PTPN3: variants seen among roughly 807,000 people sequenced by gnomAD.
PTPN3 encodes tyrosine-protein phosphatase non-receptor type 3.
A neutral mutation model predicts 132.7 loss-of-function variants in PTPN3; 96 were observed. That is an observed-to-expected ratio of 0.72 (90% CI 0.61 to 0.86). The LOEUF (loss-of-function observed/expected upper bound fraction) is 0.86. Among genes scored for constraint, PTPN3 ranks in the 40% least tolerant of loss-of-function variants. PTPN3 has a pLI of 0.00. For synonymous variants in PTPN3, 398 were observed against 429.0 expected (o/e 0.93, Z 0.89); for missense variants, 1,125 against 1,159.6 (o/e 0.97, Z 0.43).
the PTPN3 span, among the ~76,000 whole-genome samples, chr9:109,508,083 C>A: frequency 6.6e-6 from 1 of 152,122 alleles, no homozygotes; most frequent in Non-Finnish European, 1.5e-5. Context: ...ATCTCAGAAA[C>A]TGCCTCTTCC....
chr9:109,386,727 G>T (rs567110382), intron 22 of PTPN3, among the ~76,000 whole-genome samples: 15 of 152,306 alleles, frequency 9.8e-5, no homozygotes, highest in African/African-American at 2.9e-4. Context: ...CTGCACAGAA[G>T]GTACCAGTCT....
chr9:109,403,379 G>A (rs918154039), intron 19 of PTPN3, among the ~76,000 whole-genome samples: 1 of 152,134 alleles, frequency 6.6e-6, no homozygotes, highest in African/African-American at 2.4e-5. Context: ...ATAATGCATT[G>A]TTGATTTCTG....
rs1838666048 is a variant in PTPN3 at position 109,377,442 on chromosome 9, A to ACACACACG, written c.*2113_*2114insCGTGTGTG. 2 of 124,516 alleles carry ACACACACG rather than the reference A, an allele frequency of 1.6e-5. No individual in the cohort carries two copies. Among genetic ancestry groups the ACACACACG allele is most frequent in the Non-Finnish European group, 1.7e-5 (1 of 58,854 alleles). The allele number at this position is 124,516 out of a possible 1,614,324, so 7.7% of individuals were successfully genotyped here. On this transcript the variant is annotated 3_prime_UTR_variant, in exon 26 of 26. Transcript: ENST00000374541. ...CACACACACACACACACACACACACACACACACACACACACAAGCCAGGTG... is the reference window on the plus strand; with the variant it reads ...CACACACACACACACACACACACACACACACACGCACACACACACACACAAGCCAGGTG...
the PTPN3 span, chr9:109,534,146 T>C: frequency 1.2e-6 from 1 of 820,856 alleles, no homozygotes. Context: ...CATTTTACTG[T>C]TCCCAAAACC....
chr9:109,485,920 A>G (rs1248212992), intron 1 of PTPN3, among the ~76,000 whole-genome samples: 1 of 152,264 alleles, frequency 6.6e-6, no homozygotes, highest in Non-Finnish European at 1.5e-5. Context: ...AAATTCTTTC[A>G]ATAGCAAATA....
chr9:109,399,883 A>G (rs1257382720), intron 19 of PTPN3, among the ~76,000 whole-genome samples: 2 of 151,708 alleles, frequency 1.3e-5, no homozygotes, highest in Non-Finnish European at 2.9e-5. Flanking sequence ...GAAGGTAGAG[A>G]ACTGGAACAC....
At chr9:109,473,321 G>A (rs1180847875) in intron 1 of PTPN3, among the ~76,000 whole-genome samples, 2 of 152,168 alleles carry the variant, frequency 1.3e-5, no homozygotes, top group East Asian at 1.9e-4. Flanking sequence ...TGTAGGACCC[G>A]TTGTATTCAA....
intron 1 of PTPN3, among the ~76,000 whole-genome samples, chr9:109,487,799 GC>G (rs1462002377): frequency 6.6e-6 from 1 of 152,100 alleles, no homozygotes; most frequent in Non-Finnish European, 1.5e-5. Context: ...AAAATACATG[GC>G]CCATCTGATA....
chr9:109,473,155 T>C (rs1451384058), intron 1 of PTPN3, among the ~76,000 whole-genome samples: 1 of 152,228 alleles, frequency 6.6e-6, no homozygotes, highest in Non-Finnish European at 1.5e-5. Flanking sequence ...ACTTTAATAA[T>C]ACAGCACAAT....
At chr9:109,380,726 A>T (rs1217536468) in intron 25 of PTPN3, among the ~76,000 whole-genome samples, 4 of 152,236 alleles carry the variant, frequency 2.6e-5, no homozygotes, top group Non-Finnish European at 5.9e-5. Context: ...AAAGCTTAAA[A>T]ATTTATTAGG....
At chr9:109,438,366 T>A (rs1022851548) in intron 7 of PTPN3, 132 bp from the exon 8 acceptor site, 16 of 969,328 alleles carry the variant, frequency 1.7e-5, no homozygotes, top group Non-Finnish European at 2.1e-5. Flanking sequence ...CTACACCACA[T>A]GAACTGAAGC....
intron 7 of PTPN3, among the ~76,000 whole-genome samples, chr9:109,441,745 C>A (rs1232291772): frequency 1.5e-5 from 2 of 129,830 alleles, no homozygotes; most frequent in African/African-American, 6.4e-5. Flanking sequence ...ACCTGAAGAT[C>A]ACTTTTTTTT....
At chr9:109,481,450 C>G (rs1012924126) in intron 1 of PTPN3, among the ~76,000 whole-genome samples, 4 of 152,156 alleles carry the variant, frequency 2.6e-5, no homozygotes, top group Middle Eastern at 3.2e-3. Context: ...TCTGGCTGTT[C>G]CCAGGTGGTG....
intron 19 of PTPN3, among the ~76,000 whole-genome samples, chr9:109,402,114 C>A (rs1207331225): frequency 6.6e-6 from 1 of 152,186 alleles, no homozygotes; most frequent in Non-Finnish European, 1.5e-5. Flanking sequence ...CAAACGACTT[C>A]TCACTGCCTT....
chr9:109,508,429 G>A, the PTPN3 span, among the ~76,000 whole-genome samples: 6 of 152,114 alleles, frequency 3.9e-5, no homozygotes, highest in African/African-American at 1.4e-4. Context: ...CAAAGTGCTG[G>A]GATTACAGGC....
At chr9:109,410,775 C>A (rs569641250) in intron 14 of PTPN3, among the ~76,000 whole-genome samples, 1 of 152,224 alleles carries the variant, frequency 6.6e-6, no homozygotes, top group African/African-American at 2.4e-5. Flanking sequence ...TGCAGATGCA[C>A]AGCCCATCCC....
chr9:109,498,176 C>T lies in PTPN3; in HGVS notation c.-18+43G>A, dbSNP rs1847769951. On this transcript the variant is annotated intron_variant, in intron 1 of 25. Transcript: ENST00000374541. The surrounding 1 kb of genome is among the most constrained non-coding windows in gnomAD (Gnocchi z 4.2). ...AGCGCGACCCCGGCCCCCGGCAGCC[C>T]CGCACCCTGCCCCCGGCCCGCTGGG... 6.8e-6 allele frequency: 1 copy of T among 146,432 alleles called. No individual in the cohort carries two copies. 9.1% of individuals were successfully genotyped at this position (146,432 alleles called of 1,614,324 possible).
chr9:109,465,706 C>A (rs373129627), intron 1 of PTPN3, among the ~76,000 whole-genome samples: 143 of 64,772 alleles, frequency 2.2e-3, no homozygotes, highest in East Asian at 2.9e-3. Flanking sequence ...AACTCTGTCT[C>A]AAAAAAAAAA....
At chr9:109,451,291 C>T in intron 5 of PTPN3, 1 of 984,986 alleles carries the variant, frequency 1.0e-6, no homozygotes, top group Non-Finnish European at 1.2e-6. Context: ...GGGGGTGGCT[C>T]CCACCATGGC....
Sources: allele counts gnomAD v4.1 joint callset (sites outside exome capture counted in the v4.1 genomes callset), GRCh38; gene constraint gnomAD v4.1.1; non-coding constraint Gnocchi (gnomAD v3.1); transcripts MANE v1.5; gene names NCBI Gene and HGNC (gene_info 2026-07-23, HGNC 2026-07-21).